The following RHBDF2 variants were observed in gnomAD, a reference collection of about 807,000 sequenced individuals.
RHBDF2 encodes rhomboid 5 homolog 2, also known as inactive rhomboid protein 2.
A neutral mutation model predicts 95.2 loss-of-function variants in RHBDF2; 38 were observed. That is an observed-to-expected ratio of 0.40 (90% CI 0.31 to 0.52). The LOEUF is 0.52. Among genes scored for constraint, RHBDF2 ranks in the 20% least tolerant of loss-of-function variants. The probability of loss-of-function intolerance (pLI) is 0.56; values close to 1 mark genes in which losing one functional copy is unlikely to be tolerated. For missense variants in RHBDF2, 863 were observed against 1,137.7 expected, an observed-to-expected ratio of 0.76 and a Z score of 3.47; for synonymous variants, 442 against 462.0, an observed-to-expected ratio of 0.96 and a Z score of 0.55.
At chr17:76,480,014 T>C (rs2073903059) in intron 3 of RHBDF2, 160 bp from the exon 4 acceptor site, 1 of 121,142 alleles carries the variant, frequency 8.3e-6, no homozygotes, top group Non-Finnish European at 1.5e-5. Context: ...ATAATGTGTG[T>C]GTGTGTGTGT....
At chr17:76,477,137 G>A (rs778620800) in intron 8 of RHBDF2, 43 bp downstream of exon 8, 4 of 1,610,542 alleles carry the variant, frequency 2.5e-6, no homozygotes, top group African/African-American at 1.3e-5. Context: ...ATGCCCCCAG[G>A]CTGGTGGCTG....
At chr17:76,484,477 C>T (rs1416906501) in intron 2 of RHBDF2, among the ~76,000 whole-genome samples, 1 of 151,960 alleles carries the variant, frequency 6.6e-6, no homozygotes, top group Non-Finnish European at 1.5e-5. Context: ...CTGTCCTCCT[C>T]CTCCATCTCT....
chr17:76,472,278 C>T (rs111845284), intron 18 of RHBDF2: 4 of 601,432 alleles, frequency 6.7e-6, no homozygotes, highest in Middle Eastern at 4.4e-4. Flanking sequence ...GGTGTGGGTC[C>T]GTAGCAATAA....
At chr17:76,490,172 T>C (rs992817414) in intron 1 of RHBDF2, among the ~76,000 whole-genome samples, 1 of 152,192 alleles carries the variant, frequency 6.6e-6, no homozygotes, top group Non-Finnish European at 1.5e-5. Context: ...GAATGCTGGG[T>C]GCAGAGGAGA....
chr17:76,499,153 AAAAC>A (rs772419647), intron 1 of RHBDF2, among the ~76,000 whole-genome samples: 5 of 152,160 alleles, frequency 3.3e-5, no homozygotes, highest in Non-Finnish European at 7.4e-5. Flanking sequence ...AACAAAAACA[AAAAC>A]AAAACAAAAC....
intron 2 of RHBDF2, among the ~76,000 whole-genome samples, chr17:76,486,585 G>A (rs1567885959): frequency 1.3e-5 from 2 of 151,982 alleles, no homozygotes; most frequent in African/African-American, 4.8e-5. Context: ...ATGGTGGTGC[G>A]TGCATATAGT....
chr17:76,472,587 G>C, intron 18 of RHBDF2, 99 bp downstream of exon 18: 1 of 1,483,422 alleles, frequency 6.7e-7, no homozygotes, highest in Non-Finnish European at 9.4e-7. Flanking sequence ...CAGTACAGGA[G>C]GGGCACCGTG....
intron 17 of RHBDF2, 38 bp from the exon 18 acceptor site, chr17:76,472,877 G>T: frequency 6.3e-7 from 1 of 1,576,404 alleles, no homozygotes. Flanking sequence ...CCTTCAGCCA[G>T]GCACTTCAGG....
At chr17:76,481,206 A>G (rs1567880774) in intron 3 of RHBDF2, among the ~76,000 whole-genome samples, 169 bp downstream of exon 3, 1 of 152,124 alleles carries the variant, frequency 6.6e-6, no homozygotes, top group South Asian at 2.1e-4. Flanking sequence ...ACTCCCTGTG[A>G]TATTTCGGGC....
At chr17:76,491,177 G>A (rs2074289827) in intron 1 of RHBDF2, among the ~76,000 whole-genome samples, 1 of 151,954 alleles carries the variant, frequency 6.6e-6, no homozygotes, top group African/African-American at 2.4e-5. Context: ...GTGCCAGAAC[G>A]AGTGTCTAGT....
intron 1 of RHBDF2, among the ~76,000 whole-genome samples, chr17:76,499,509 C>T (rs141706957): frequency 2.0e-5 from 3 of 152,328 alleles, no homozygotes; most frequent in Non-Finnish European, 4.4e-5. Flanking sequence ...TCAGCTAACA[C>T]CATGGGCAGG....
chr17:76,475,547 G>A (rs913897979), intron 9 of RHBDF2, among the ~76,000 whole-genome samples: 12 of 151,816 alleles, frequency 7.9e-5, no homozygotes, highest in Non-Finnish European at 1.6e-4. Flanking sequence ...TCCTCCTCCG[G>A]GACACCCACC....
chr17:76,480,007 A>ATGTATG (rs879007148), intron 3 of RHBDF2, 153 bp from the exon 4 acceptor site: 1 of 295,136 alleles, frequency 3.4e-6, no homozygotes, highest in Non-Finnish European at 5.5e-6. Flanking sequence ...TATATATATA[A>ATGTATG]TGTGTGTGTG....
At chr17:76,488,224 G>A (rs1055107818) in intron 1 of RHBDF2, 1 of 152,246 alleles carries the variant, frequency 6.6e-6, no homozygotes, top group Non-Finnish European at 1.5e-5. Flanking sequence ...TTTCGGCCAG[G>A]GGCAGTAGCT....
chr17:76,491,887 C>A (rs992169372), intron 1 of RHBDF2, among the ~76,000 whole-genome samples: 57 of 152,338 alleles, frequency 3.7e-4, no homozygotes, highest in African/African-American at 1.2e-3. Context: ...GCTGGAGCTA[C>A]CCCACCCAGC....
intron 18 of RHBDF2, 66 bp from the exon 19 acceptor site, chr17:76,472,118 C>T (rs1313100229): frequency 2.1e-6 from 3 of 1,426,442 alleles, no homozygotes; most frequent in Non-Finnish European, 2.8e-6. Context: ...GGCCTGCACC[C>T]TGGGTCATCC....
chr17:76,498,675 A>G (rs955665163), intron 1 of RHBDF2, among the ~76,000 whole-genome samples: 1 of 152,158 alleles, frequency 6.6e-6, no homozygotes, highest in African/African-American at 2.4e-5. Context: ...AAACAGCACC[A>G]CTGACCCCAG....
intron 4 of RHBDF2, 151 bp from the exon 5 acceptor site, chr17:76,479,428 G>T: frequency 8.8e-7 from 1 of 1,139,358 alleles, no homozygotes; most frequent in Non-Finnish European, 1.3e-6. Flanking sequence ...GGAGCCCAGT[G>T]ACCAGATGAG....
chr17:76,489,744 C>G (rs996554890), intron 1 of RHBDF2, among the ~76,000 whole-genome samples: 22 of 152,218 alleles, frequency 1.4e-4, no homozygotes, highest in South Asian at 4.1e-4. Flanking sequence ...TTGTTTGGCC[C>G]TTTACACACA....
Sources: allele counts gnomAD v4.1 joint callset (sites outside exome capture counted in the v4.1 genomes callset), GRCh38; gene constraint gnomAD v4.1.1; transcripts MANE v1.5; gene names NCBI Gene and HGNC (gene_info 2026-07-23, HGNC 2026-07-21).